The following B4GALNT3 variants were observed in gnomAD, a reference collection of about 807,000 sequenced individuals.
B4GALNT3 encodes beta-1,4-N-acetyl-galactosaminyltransferase 3.
Under a neutral mutation model 120.2 loss-of-function variants are expected in B4GALNT3, and 86 were observed. The observed-to-expected ratio is 0.72, with a 90% CI of 0.60 to 0.86. The LOEUF (loss-of-function observed/expected upper bound fraction) is 0.86, where lower values mean the gene tolerates loss of function less well. Ranked by LOEUF, B4GALNT3 falls within the 40% of genes least tolerant of loss-of-function variation. The pLI is 0.00. For missense variants in B4GALNT3, 1,167 were observed against 1,298.9 expected, an observed-to-expected ratio of 0.90 and a Z score of 1.56; for synonymous variants, 518 against 510.4, an observed-to-expected ratio of 1.01 and a Z score of -0.20.
intron 19 of B4GALNT3, among the ~76,000 whole-genome samples, chr12:559,848 A>G: frequency 6.6e-6 from 1 of 152,116 alleles, no homozygotes; most frequent in African/African-American, 2.4e-5. Context: ...AGGTCAGGAA[A>G]GACTTTGGGG....
intron 1 of B4GALNT3, among the ~76,000 whole-genome samples, chr12:499,459 C>T (rs543691646): frequency 6.9e-6 from 1 of 144,378 alleles, no homozygotes. Context: ...CCGTGGAGCC[C>T]GTGCTCTCAC....
chr12:527,922 G>GGTGT (rs375254687), intron 1 of B4GALNT3, among the ~76,000 whole-genome samples: 3 of 151,220 alleles, frequency 2.0e-5, no homozygotes, highest in South Asian at 2.1e-4. Context: ...ATGGTCTGGG[G>GGTGT]GTGTGTGTGT....
intron 1 of B4GALNT3, among the ~76,000 whole-genome samples, chr12:472,654 G>A (rs1054769310): frequency 1.3e-5 from 2 of 152,158 alleles, no homozygotes; most frequent in Middle Eastern, 3.2e-3. Flanking sequence ...AGCCAGGATG[G>A]TCTCGATCTC....
chr12:561,432 G>A lies in B4GALNT3; in HGVS notation c.2978G>A (p.Arg993His), dbSNP rs142204676. 352 of 1,613,030 alleles carry A rather than the reference G, an allele frequency of 2.2e-4. 1 individual carries two copies. Among genetic ancestry groups the A allele is most frequent in the African/African-American group, 1.2e-3 (89 of 75,048 alleles). ...FHSKRGMWSR[R>H]QMKTL ...TCCAAGCGAGGCATGTGGAGCCGTC[G>A]CCAGATGAAGACGCTGTAGCCGGAG... Residue 993 changes from arginine (R) to histidine (H), a missense_variant, in exon 20 of 20, where the codon CGC becomes CAC. Physicochemically the swap from Arg to His is conservative, Grantham distance 29 (BLOSUM62 0). Transcript: ENST00000266383.
rs1331821303 is a variant in B4GALNT3 at position 460,647 on chromosome 12, C to G, written c.169+102C>G. ...CTCATCCCATCCTCAGACCCGATTT[C>G]CCACCCATTTCTCCCTCAGGTGCCC... On this transcript the variant is annotated intron_variant, in intron 1 of 19. Coordinates refer to ENST00000266383, the MANE Select transcript of B4GALNT3 (RefSeq NM_173593.4). The surrounding 1 kb of genome is among the most constrained non-coding windows in gnomAD (Gnocchi z 8.0). The G allele has an allele frequency of 1.8e-6, 2 of 1,126,602 alleles. No individual in the cohort carries two copies. The highest frequency in any genetic ancestry group is 1.6e-5 in the African/African-American group (1 of 61,424). The allele number at this position is 1,126,602 out of a possible 1,614,324, so 69.8% of individuals were successfully genotyped here.
chr12:559,562 C>A, intron 19 of B4GALNT3, 141 bp downstream of exon 19: 1 of 1,240,834 alleles, frequency 8.1e-7, no homozygotes, highest in Non-Finnish European at 1.1e-6. Context: ...TCGGAGGACG[C>A]CCTCAAATCA....
At chr12:530,438 C>G (rs1418450317) in intron 1 of B4GALNT3, among the ~76,000 whole-genome samples, 2 of 152,250 alleles carry the variant, frequency 1.3e-5, no homozygotes, top group Non-Finnish European at 2.9e-5. Flanking sequence ...AACACCAATG[C>G]CAGCCTGGGC....
intron 15 of B4GALNT3, 128 bp from the exon 16 acceptor site, chr12:557,480 T>G: frequency 1.1e-6 from 1 of 887,894 alleles, no homozygotes; most frequent in East Asian, 2.5e-5. Flanking sequence ...TTTTGCAGAG[T>G]TGCACTGTCC....
At chr12:541,488 A>T (rs1946914899) in intron 3 of B4GALNT3, among the ~76,000 whole-genome samples, 1 of 152,074 alleles carries the variant, frequency 6.6e-6, no homozygotes, top group African/African-American at 2.4e-5. Flanking sequence ...CTGGAGTCCC[A>T]CGTCCCTGCC....
intron 3 of B4GALNT3, among the ~76,000 whole-genome samples, chr12:541,978 T>C (rs1293353925): frequency 6.6e-6 from 1 of 151,810 alleles, no homozygotes; most frequent in Non-Finnish European, 1.5e-5. Flanking sequence ...AAAGAAGCCT[T>C]TGGAGGAGAC....
intron 5 of B4GALNT3, 42 bp downstream of exon 5, chr12:545,014 A>C: frequency 6.2e-7 from 1 of 1,602,220 alleles, no homozygotes; most frequent in African/African-American, 1.3e-5. Context: ...CCTGCTCTAG[A>C]GTTCTGCATC....
chr12:506,798 G>A (rs894521674), intron 1 of B4GALNT3, among the ~76,000 whole-genome samples: 1 of 152,032 alleles, frequency 6.6e-6, no homozygotes, highest in African/African-American at 2.4e-5. Context: ...CACCACGCCC[G>A]GCTAATTTTT....
At chr12:464,758 A>G (rs1369244589) in intron 1 of B4GALNT3, among the ~76,000 whole-genome samples, 1 of 152,228 alleles carries the variant, frequency 6.6e-6, no homozygotes, top group Non-Finnish European at 1.5e-5. Context: ...TGCCAGGATT[A>G]CTTGCTGGAT....
intron 1 of B4GALNT3, among the ~76,000 whole-genome samples, chr12:520,931 T>C (rs1946703301): frequency 6.6e-6 from 1 of 152,232 alleles, no homozygotes. Flanking sequence ...TTCCAGGGGA[T>C]ATTCTGAATA....
chr12:546,257 A>G (rs1224480285), intron 6 of B4GALNT3, among the ~76,000 whole-genome samples: 3 of 99,146 alleles, frequency 3.0e-5, no homozygotes, highest in Non-Finnish European at 4.1e-5. Context: ...GAGAGGAGTA[A>G]GGAGTGGGGA....
chr12:461,751 A>G (rs6489532), intron 1 of B4GALNT3, among the ~76,000 whole-genome samples: 134,734 of 152,184 alleles, frequency 0.89, 60,467 homozygotes, highest in Non-Finnish European at 0.97. Context: ...TACTAGGGAC[A>G]GTCGCTGAGC....
chr12:561,343 G>A lies in B4GALNT3; in HGVS notation c.2889G>A (p.Arg963=), dbSNP rs1330976087. 1.2e-6 allele frequency: 2 copies of A among 1,612,232 alleles called. No homozygotes were observed. The highest frequency in any genetic ancestry group is 1.7e-6 in the Non-Finnish European group (2 of 1,178,552). The change falls in exon 20 of 20, where the codon AGG becomes AGA. Residue 963 remains arginine (R), a splice_region_variant and synonymous_variant. Coordinates refer to ENST00000266383, the MANE Select transcript of B4GALNT3 (RefSeq NM_173593.4). The part of the protein sequence containing the change: ...WGGEDWELLD[R]ILQAGLDVER... The stretch of plus-strand genomic sequence containing the variant: ...CTCATCTGTGTTTCTCCTCCTCCAG[G>A]ATACTCCAAGCGGGCCTGGACGTGG...
At chr12:527,629 C>T (rs1479377629) in intron 1 of B4GALNT3, among the ~76,000 whole-genome samples, 1 of 131,910 alleles carries the variant, frequency 7.6e-6, no homozygotes, top group Non-Finnish European at 1.5e-5. Context: ...CACCTTTCTG[C>T]GGCTCCTCAC....
chr12:535,516 T>C lies in B4GALNT3; in HGVS notation c.273+247T>C, dbSNP rs144204683. On this transcript the variant is annotated intron_variant, in intron 2 of 19. Coordinates refer to ENST00000266383, the MANE Select transcript of B4GALNT3 (RefSeq NM_173593.4). ...CCACTGGGCCTGGTTTTCTGGTGTC[T>C]GCCCTCGTTCCCTAGTTCAGTTTGC... 5.3e-4 allele frequency among the ~76,000 whole-genome samples: 81 copies of C among 152,302 alleles called. 1 individual carries two copies. The East Asian group carries it at 7.5e-3, about 14-fold the overall frequency.
Sources: allele counts gnomAD v4.1 joint callset (sites outside exome capture counted in the v4.1 genomes callset), GRCh38; gene constraint gnomAD v4.1.1; non-coding constraint Gnocchi (gnomAD v3.1); transcripts MANE v1.5; gene names NCBI Gene and HGNC (gene_info 2026-07-23, HGNC 2026-07-21).